The following IKZF2 variants were observed in gnomAD, a reference collection of about 807,000 sequenced individuals.
IKZF2 encodes the protein IKAROS family zinc finger 2.
In IKZF2, 15 loss-of-function variants were observed where a neutral mutation model predicts 49.2. The observed-to-expected ratio is 0.30, with a 90% CI of 0.20 to 0.47. IKZF2 has a LOEUF of 0.47. IKZF2 is among the 20% of genes least tolerant of loss of function. The probability of loss-of-function intolerance (pLI) is 1.00; values close to 1 mark genes in which losing one functional copy is unlikely to be tolerated. For synonymous variants in IKZF2, 227 were observed against 221.4 expected (o/e 1.03, Z -0.23); for missense variants, 567 against 664.6 (o/e 0.85, Z 1.61).
intron 2 of IKZF2, 82 bp downstream of exon 2, chr2:213,150,062 C>T: frequency 1.5e-6 from 1 of 658,086 alleles, no homozygotes; most frequent in South Asian, 1.7e-5. Flanking sequence ...AGAAGGCTGC[C>T]CCATCAATGA....
intron 4 of IKZF2, among the ~76,000 whole-genome samples, chr2:213,078,133 C>A (rs940260581): frequency 6.9e-6 from 1 of 145,464 alleles, no homozygotes; most frequent in African/African-American, 2.8e-5. Flanking sequence ...TTAAAAAAAA[C>A]AATTCATGAA....
Position 213,053,800 on chromosome 2 carries a change from T to C in IKZF2, c.406+3033A>G, listed in dbSNP as rs74798684. Among the ~76,000 whole-genome samples the C allele has an allele frequency of 1.1e-3, 171 of 152,326 alleles. 2 individuals carry two copies. Among genetic ancestry groups the C allele is most frequent in the African/African-American group, 3.9e-3 (161 of 41,580 alleles). On this transcript the variant is annotated intron_variant, in intron 5 of 8. Transcript: ENST00000434687. ...ATGACAATATTACCTGATTACTTAC[T>C]AAAGTAGCAATACCAAATCAATAAA...
At chr2:213,146,845 T>C (rs766656042) in intron 4 of IKZF2, among the ~76,000 whole-genome samples, 5 of 151,432 alleles carry the variant, frequency 3.3e-5, no homozygotes, top group Non-Finnish European at 7.4e-5. Flanking sequence ...TACATGTAAG[T>C]CCAATGTCCT....
chr2:213,014,097 G>GCA, intron 7 of IKZF2, 163 bp from the exon 8 acceptor site: 1 of 567,274 alleles, frequency 1.8e-6, no homozygotes, highest in African/African-American at 1.9e-5. Context: ...CTTTAAATTT[G>GCA]CACACACACA....
Position 213,147,711 on chromosome 2 carries a change from T to C in IKZF2, c.136A>G (p.Ser46Gly). The C allele has an allele frequency of 6.2e-7, 1 of 1,611,868 alleles. No homozygotes were observed. The highest frequency in any genetic ancestry group is 8.5e-7 in the Non-Finnish European group (1 of 1,177,918). ...GQHASPSHMTSTNSVKLEMQS... is the reference protein window; with the variant it reads ...GQHASPSHMTGTNSVKLEMQS... ...AAATCATAAAATGAAGACTTACTGC[T>C]TGTCATGTGACTTGGTGAGGCATGC... The change falls in exon 4 of 9, where the codon AGC becomes GGC. Residue 46 changes from serine to glycine, a missense_variant. Ser to Gly is a moderately conservative substitution (Grantham distance 56). Around this residue, in one of 5 missense-constraint regions of IKZF2, gnomAD observed 156 missense variants for 138.5 expected, o/e 1.13. Transcript: ENST00000434687.
intron 6 of IKZF2, among the ~76,000 whole-genome samples, chr2:213,023,568 A>C (rs1250938818): frequency 6.6e-6 from 1 of 152,196 alleles, no homozygotes; most frequent in Non-Finnish European, 1.5e-5. Context: ...AATACAAAAA[A>C]TAAGTTTTGC....
At chr2:213,082,691 C>A (rs1333147556) in intron 4 of IKZF2, among the ~76,000 whole-genome samples, 2 of 152,120 alleles carry the variant, frequency 1.3e-5, no homozygotes, top group East Asian at 3.9e-4. Flanking sequence ...TATTATAAAG[C>A]AAGGGTTAAA....
chr2:213,030,681 A>G (rs1020716070), intron 6 of IKZF2, among the ~76,000 whole-genome samples: 1 of 152,212 alleles, frequency 6.6e-6, no homozygotes, highest in Non-Finnish European at 1.5e-5. Context: ...AAAAAACTAA[A>G]TATAGTACAA....
intron 4 of IKZF2, chr2:213,081,330 T>C (rs1703930158): frequency 6.5e-6 from 1 of 153,744 alleles, no homozygotes; most frequent in Admixed American, 6.5e-5. Context: ...ATCCAGTATC[T>C]ATAATATCCT....
intron 7 of IKZF2, 142 bp from the exon 8 acceptor site, chr2:213,014,076 G>C: frequency 3.1e-6 from 2 of 653,864 alleles, no homozygotes; most frequent in Non-Finnish European, 2.6e-6. Flanking sequence ...CCTCTAGTGT[G>C]AAAGTATACT....
chr2:213,148,670 A>G (rs771759107), intron 2 of IKZF2, 26 bp from the exon 3 acceptor site: 24 of 1,583,330 alleles, frequency 1.5e-5, no homozygotes, highest in Non-Finnish European at 2.0e-5. Context: ...TTATACCCTT[A>G]ATACAATGAT....
Position 213,150,196 on chromosome 2 carries a change from C to T in IKZF2, c.-68G>A. The stretch of plus-strand genomic sequence containing the variant: ...GATTCATCACCATTTCCAGCTCTGT[C>T]GGGAGATCTCAGCTTCTTCTAACCC... On this transcript the variant is annotated 5_prime_UTR_variant, in exon 2 of 9. Coordinates refer to ENST00000434687, the MANE Select transcript of IKZF2 (RefSeq NM_001387220.1). 7.7e-7 allele frequency: 1 copy of T among 1,303,142 alleles called. No individual in the cohort carries two copies. The highest frequency in any genetic ancestry group is 2.3e-5 in the Admixed American group (1 of 43,566). 80.7% of individuals were successfully genotyped at this position (1,303,142 alleles called of 1,614,324 possible).
In IKZF2 at chr2:213,151,546, A is replaced by T. The variant is rs2061280564; in HGVS notation, c.-253T>A. ...TGCAGTTGGTGGTGGAAACTAAGGC[A>T]GTGGATCTGTAGCTAAGGGTAATCC... On this transcript the variant is annotated 5_prime_UTR_variant, in exon 1 of 9. Coordinates refer to ENST00000434687, the MANE Select transcript of IKZF2 (RefSeq NM_001387220.1). The T allele has an allele frequency of 1.3e-5, 2 of 152,620 alleles. No homozygotes were observed. Among genetic ancestry groups the T allele is most frequent in the African/African-American group, 2.4e-5 (1 of 41,452 alleles). 9.5% of individuals were successfully genotyped at this position (152,620 alleles called of 1,614,324 possible).
chr2:213,091,976 T>A (rs1183941147), intron 4 of IKZF2, among the ~76,000 whole-genome samples: 1 of 151,588 alleles, frequency 6.6e-6, no homozygotes. Context: ...TTTTGTTTAT[T>A]ATATTTTTAT....
chr2:213,145,572 C>A (rs541754705), intron 4 of IKZF2, among the ~76,000 whole-genome samples: 1 of 152,080 alleles, frequency 6.6e-6, no homozygotes, highest in African/African-American at 2.4e-5. Flanking sequence ...AATTAATAGA[C>A]GAGAGTTCCT....
chr2:213,011,624 A>G (rs974389953), intron 8 of IKZF2, among the ~76,000 whole-genome samples: 4 of 152,090 alleles, frequency 2.6e-5, no homozygotes, highest in African/African-American at 7.2e-5. Flanking sequence ...GTGAGACAGC[A>G]TGTTTGCAGA....
intron 4 of IKZF2, among the ~76,000 whole-genome samples, chr2:213,132,612 T>A (rs2060511090): frequency 6.6e-6 from 1 of 152,226 alleles, no homozygotes; most frequent in East Asian, 1.9e-4. Flanking sequence ...ATTAATAAAA[T>A]TTCAGAGCTA....
At chr2:213,067,169 C>T (rs1003708811) in intron 4 of IKZF2, among the ~76,000 whole-genome samples, 5 of 152,036 alleles carry the variant, frequency 3.3e-5, no homozygotes, top group African/African-American at 4.8e-5. Flanking sequence ...CTAGGGTTGT[C>T]CTGAGTATTA....
chr2:213,136,686 A>G (rs921030924), intron 4 of IKZF2, among the ~76,000 whole-genome samples: 4 of 152,180 alleles, frequency 2.6e-5, no homozygotes, highest in African/African-American at 9.6e-5. Flanking sequence ...TAAATTACAC[A>G]AATAATATAT....
Sources: gnomAD v4.1 joint callset for allele counts (sites outside exome capture counted in the v4.1 genomes callset) on GRCh38, gnomAD v4.1.1 for gene constraint, gnomAD v4.1.1 regional missense constraint, MANE v1.5 for transcripts, NCBI Gene and HGNC (gene_info 2026-07-23, HGNC 2026-07-21) for gene names.